The following ATF7IP2 variants were observed in gnomAD, a reference collection of about 807,000 sequenced individuals.
ATF7IP2 encodes the protein activating transcription factor 7-interacting protein 2.
ATF7IP2 carries 42 observed loss-of-function variants against 64.2 expected under a neutral mutation model. The ratio of observed to expected loss-of-function variants is 0.65; its 90% CI spans 0.51 to 0.85. The LOEUF is 0.85. Among genes scored for constraint, ATF7IP2 ranks in the 40% least tolerant of loss-of-function variants. The pLI is 0.00. For synonymous variants in ATF7IP2, 308 were observed against 272.8 expected (o/e 1.13, Z -1.27); for missense variants, 933 against 784.2 (o/e 1.19, Z -2.27).
chr16:10,400,537 G>C (rs2047508349), intron 1 of ATF7IP2, among the ~76,000 whole-genome samples: 1 of 152,228 alleles, frequency 6.6e-6, no homozygotes, highest in African/African-American at 2.4e-5. Context: ...TTGAATAGAA[G>C]TGGTGAAAGT....
At chr16:10,433,892 T>C (rs1439033783) in intron 6 of ATF7IP2, among the ~76,000 whole-genome samples, 2 of 152,086 alleles carry the variant, frequency 1.3e-5, no homozygotes, top group Admixed American at 6.6e-5. Context: ...GGTAGAGTCC[T>C]GTTGCAAAAA....
intron 3 of ATF7IP2, among the ~76,000 whole-genome samples, chr16:10,427,706 C>A (rs1456764494): frequency 6.6e-6 from 1 of 151,904 alleles, no homozygotes; most frequent in East Asian, 1.9e-4. Flanking sequence ...ATTTTTTTTA[C>A]AAATTAGCCA....
At chr16:10,478,500 T>A (rs1293758930) in intron 12 of ATF7IP2, among the ~76,000 whole-genome samples, 1 of 152,064 alleles carries the variant, frequency 6.6e-6, no homozygotes, top group East Asian at 1.9e-4. Flanking sequence ...TACAAAAATT[T>A]ATTCAAGATG....
In ATF7IP2 at chr16:10,430,993, TC is replaced by T; in HGVS notation, c.378del (p.Ser127AlafsTer12). 6.2e-7 allele frequency: 1 copy of T among 1,614,056 alleles called. No individual in the cohort carries two copies. The highest frequency in any genetic ancestry group is 8.5e-7 in the Non-Finnish European group (1 of 1,180,010). The part of the protein sequence containing the change: ...SYQKPSRTTE[S>X]PSRVFTEEAK... ...CCAAAAGCCAAGTAGAACAACAGAA[TC>T]CCCCAGCAGAGTCTTCACAGAAGAG... On this transcript the variant is annotated frameshift_variant, in exon 5 of 14. Coordinates refer to ENST00000562102, the MANE Select transcript of ATF7IP2 (RefSeq NM_001393719.1). LOFTEE classifies it high-confidence loss of function.
In ATF7IP2 at chr16:10,431,064, G is replaced by C; in HGVS notation, c.444G>C (p.Gln148His). 1 of 1,614,132 alleles carries C rather than the reference G, an allele frequency of 6.2e-7. No individual in the cohort carries two copies. The highest frequency in any genetic ancestry group is 1.1e-5 in the South Asian group (1 of 91,068). Residue 148 changes from glutamine (Q) to histidine (H), a missense_variant, in exon 5 of 14, where the codon CAG becomes CAC. By Grantham distance (24) the Gln-to-His change is conservative (BLOSUM62 0). Coordinates refer to ENST00000562102, the MANE Select transcript of ATF7IP2 (RefSeq NM_001393719.1). ...LNTSENDSEH[Q>H]TNVTRSLFEH... ...CTTCTGAAAACGATTCTGAGCATCAGACAAATGTAACAAGATCCCTTTTTG... is the reference window on the plus strand; with the variant it reads ...CTTCTGAAAACGATTCTGAGCATCACACAAATGTAACAAGATCCCTTTTTG...
At chr16:10,387,749 A>C (rs2047230380) in intron 1 of ATF7IP2, 1 of 152,166 alleles carries the variant, frequency 6.6e-6, no homozygotes, top group Admixed American at 6.6e-5. Context: ...CAAGAGTATT[A>C]GTTCTCATTG....
intron 6 of ATF7IP2, among the ~76,000 whole-genome samples, chr16:10,434,715 G>T (rs1356225375): frequency 1.3e-5 from 2 of 152,138 alleles, no homozygotes; most frequent in Non-Finnish European, 2.9e-5. Flanking sequence ...TAGCCCTAAG[G>T]ACCATGTTAT....
chr16:10,409,215 G>A (rs548414775), intron 1 of ATF7IP2, among the ~76,000 whole-genome samples: 1 of 152,268 alleles, frequency 6.6e-6, no homozygotes, highest in South Asian at 2.1e-4. Context: ...GAGTTACAGT[G>A]GTGGGACGTG....
At position 10,482,226 on chromosome 16, in the gene ATF7IP2, G is replaced by C; in HGVS notation, c.2026G>C (p.Gly676Arg). ...GPFCDIKSIP[G>R]FSENLT ...ATTCTGTGATATAAAATCTATCCCT[G>C]GGTTTTCTGAAAATCTTACGTAAAA... The change falls in exon 14 of 14, where the codon GGG becomes CGG. Residue 676 changes from glycine to arginine, a missense_variant. Physicochemically the swap from Gly to Arg is moderately radical, Grantham distance 125 (BLOSUM62 -2). Coordinates refer to ENST00000562102, the MANE Select transcript of ATF7IP2 (RefSeq NM_001393719.1). 2 of 1,585,070 alleles carry C rather than the reference G, an allele frequency of 1.3e-6. No homozygotes were observed. Among genetic ancestry groups the C allele is most frequent in the Non-Finnish European group, 1.7e-6 (2 of 1,169,746 alleles).
rs768249974 is a variant in ATF7IP2, at chr16:10,482,069, G to A, written c.1869G>A (p.Lys623=). The change falls in exon 14 of 14, where the codon AAG becomes AAA. Residue 623 remains lysine, a synonymous_variant. Transcript: ENST00000562102. ...LFLCHENSNN[K]LIWKKIGEIK... is the part of the protein sequence containing the mutation. ...TGTGTCATGAGAACTCTAATAATAA[G>A]TTGATTTGGAAGAAGATTGGAGAAA... 6.2e-7 allele frequency: 1 copy of A among 1,614,050 alleles called. No homozygotes were observed. Among genetic ancestry groups the A allele is most frequent in the South Asian group, 1.1e-5 (1 of 91,072 alleles).
At chr16:10,415,612 G>A (rs1486697642) in intron 2 of ATF7IP2, among the ~76,000 whole-genome samples, 1 of 152,110 alleles carries the variant, frequency 6.6e-6, no homozygotes, top group Admixed American at 6.6e-5. Context: ...GGACAAATTG[G>A]ATCACTTCAA....
intron 1 of ATF7IP2, among the ~76,000 whole-genome samples, chr16:10,388,569 A>T (rs533577755): frequency 1.3e-5 from 2 of 152,356 alleles, no homozygotes; most frequent in South Asian, 4.1e-4. Flanking sequence ...CTCTTTACTA[A>T]GGAGACAGTG....
intron 10 of ATF7IP2, among the ~76,000 whole-genome samples, 154 bp from the exon 11 acceptor site, chr16:10,473,325 C>G (rs112795130): frequency 3.6e-3 from 550 of 152,278 alleles, no homozygotes; most frequent in Middle Eastern, 0.01. Flanking sequence ...AAATTTCATT[C>G]AGTCTTTGGA....
At chr16:10,468,443 T>C (rs2049664075) in intron 9 of ATF7IP2, among the ~76,000 whole-genome samples, 1 of 152,194 alleles carries the variant, frequency 6.6e-6, no homozygotes, top group South Asian at 2.1e-4. Context: ...TTTTCAGATA[T>C]TGTTCTACCA....
At chr16:10,410,496 C>G (rs112362471) in intron 1 of ATF7IP2, among the ~76,000 whole-genome samples, 4 of 152,134 alleles carry the variant, frequency 2.6e-5, no homozygotes, top group Non-Finnish European at 1.5e-5. Flanking sequence ...AGAAACTTTG[C>G]TGAATTCTTT....
Position 10,473,527 on chromosome 16 carries a change from A to C in ATF7IP2, c.1475A>C (p.Glu492Ala), listed in dbSNP as rs545567614. 1 of 1,564,266 alleles carries C rather than the reference A, an allele frequency of 6.4e-7. No homozygotes were observed. The highest frequency in any genetic ancestry group is 1.1e-5 in the South Asian group (1 of 87,674). Residue 492 changes from glutamate (E) to alanine (A), a missense_variant, in exon 11 of 14, where the codon GAA (glutamate) becomes GCA (alanine). Transcript: ENST00000562102. ...AATTCTAGCAATTCTCCCAATGCTGAAGTTATGGTGAGTAATAAATATTGA... is the reference window on the plus strand; with the variant it reads ...AATTCTAGCAATTCTCCCAATGCTGCAGTTATGGTGAGTAATAAATATTGA... ...SGNSSNSPNA[E>A]VMAVQKKLDS...
chr16:10,412,970 G>A (rs895512232), intron 1 of ATF7IP2, among the ~76,000 whole-genome samples: 2 of 152,106 alleles, frequency 1.3e-5, no homozygotes, highest in Non-Finnish European at 2.9e-5. Flanking sequence ...TCTGATATAA[G>A]AATAGCTACT....
chr16:10,424,038 T>G (rs1041666687), intron 3 of ATF7IP2, among the ~76,000 whole-genome samples: 1 of 152,254 alleles, frequency 6.6e-6, no homozygotes, highest in African/African-American at 2.4e-5. Context: ...TGATAAGCAT[T>G]GTTTCTATAG....
chr16:10,463,332 C>T (rs2049437458), intron 9 of ATF7IP2, among the ~76,000 whole-genome samples: 1 of 152,198 alleles, frequency 6.6e-6, no homozygotes, highest in Non-Finnish European at 1.5e-5. Flanking sequence ...TTTCGATACC[C>T]CTCCTTTAAA....
Sources: gnomAD v4.1 joint callset for allele counts (sites outside exome capture counted in the v4.1 genomes callset) on GRCh38, gnomAD v4.1.1 for gene constraint, MANE v1.5 for transcripts, NCBI Gene and HGNC (gene_info 2026-07-23, HGNC 2026-07-21) for gene names.